WLS: variants seen among roughly 807,000 people sequenced by gnomAD.
WLS encodes protein wntless homolog.
Under a neutral mutation model 62.8 loss-of-function variants are expected in WLS, and 23 were observed. The observed-to-expected ratio is 0.37, with a 90% CI of 0.26 to 0.52. The LOEUF (loss-of-function observed/expected upper bound fraction) is 0.52. Ranked by LOEUF, WLS falls within the 20% of genes least tolerant of loss-of-function variation. WLS has a pLI of 0.92. For missense variants in WLS, 615 were observed against 697.3 expected (o/e 0.88, Z 1.33); for synonymous variants, 246 against 244.1 (o/e 1.01, Z -0.07).
chr1:68,099,064 A>G lies in WLS; in HGVS notation c.1511-311T>C, dbSNP rs1042553597. On this transcript the variant is annotated intron_variant, in intron 11 of 11. Transcript: ENST00000354777. ...CTTGTTGAGAACGTGTATCTAGTTC[A>G]TCTTAAGATAGAACTGCCCCCCTCA... Among the ~76,000 whole-genome samples the G allele has an allele frequency of 2.6e-5, 4 of 152,260 alleles. No individual in the cohort carries two copies. The East Asian group carries it at 5.8e-4, about 22-fold the overall frequency.
chr1:68,207,791 A>T (rs1292950372), intron 1 of WLS, among the ~76,000 whole-genome samples: 1 of 152,184 alleles, frequency 6.6e-6, no homozygotes, highest in East Asian at 1.9e-4. Context: ...TCGCCTCCTA[A>T]ATTTATTTTG....
At chr1:68,220,859 A>C (rs1281194738) in intron 1 of WLS, among the ~76,000 whole-genome samples, 1 of 152,196 alleles carries the variant, frequency 6.6e-6, no homozygotes, top group Non-Finnish European at 1.5e-5. Context: ...GCTTTATGTA[A>C]CTAGCCGAAG....
chr1:68,167,783 G>C (rs1435081766), intron 2 of WLS, among the ~76,000 whole-genome samples: 1 of 151,996 alleles, frequency 6.6e-6, no homozygotes, highest in East Asian at 1.9e-4. Flanking sequence ...TAGTTGGGTG[G>C]AGAATTCATT....
chr1:68,160,550 C>T (rs1646958773), intron 2 of WLS, among the ~76,000 whole-genome samples: 2 of 152,182 alleles, frequency 1.3e-5, no homozygotes, highest in Admixed American at 1.3e-4. Context: ...AGAACTTTTA[C>T]ATTAGTGAGA....
In WLS at chr1:68,107,025, C is replaced by T. The variant is rs569225369; in HGVS notation, c.1511-8272G>A. 1.5e-3 allele frequency among the ~76,000 whole-genome samples: 232 copies of T among 152,222 alleles called. 2 individuals are homozygous for T. Among genetic ancestry groups the T allele is most frequent in the African/African-American group, 5.5e-3 (227 of 41,548 alleles). On this transcript the variant is annotated intron_variant, in intron 11 of 11. Transcript: ENST00000354777. Reference sequence around the variant, plus strand: ...TAAAAGCTCTTAAAGTTAGAAAATACAGATTAGCATAAAGAAAATGATCAA... The same window carrying T: ...TAAAAGCTCTTAAAGTTAGAAAATATAGATTAGCATAAAGAAAATGATCAA...
At chr1:68,183,947 G>A (rs758702768) in intron 2 of WLS, among the ~76,000 whole-genome samples, 8 of 152,156 alleles carry the variant, frequency 5.3e-5, no homozygotes, top group Non-Finnish European at 8.8e-5. Flanking sequence ...AATGAAACAA[G>A]TAAGACAACA....
intron 8 of WLS, among the ~76,000 whole-genome samples, chr1:68,147,498 C>T (rs1329644999): frequency 6.6e-6 from 1 of 152,218 alleles, no homozygotes; most frequent in African/African-American, 2.4e-5. Context: ...CACTCCAGAG[C>T]AGAGTCTTTT....
chr1:68,200,067 G>A (rs1394756976), intron 1 of WLS, among the ~76,000 whole-genome samples: 2 of 152,144 alleles, frequency 1.3e-5, no homozygotes, highest in Non-Finnish European at 2.9e-5. Flanking sequence ...GGTAATTCCT[G>A]TTTATAAGAA....
At chr1:68,167,449 C>T (rs1292839458) in intron 2 of WLS, among the ~76,000 whole-genome samples, 2 of 152,178 alleles carry the variant, frequency 1.3e-5, no homozygotes, top group Non-Finnish European at 2.9e-5. Flanking sequence ...GGTTTCATGA[C>T]TCCTGGGATA....
intron 2 of WLS, among the ~76,000 whole-genome samples, chr1:68,161,324 G>C (rs892778776): frequency 6.6e-6 from 1 of 152,142 alleles, no homozygotes; most frequent in African/African-American, 2.4e-5. Flanking sequence ...AGCAAAAGGA[G>C]GTCACCAGCC....
intron 2 of WLS, among the ~76,000 whole-genome samples, chr1:68,170,160 C>CTTTTTTTCTTTT (rs1553131191): frequency 2.9e-4 from 25 of 86,782 alleles, no homozygotes; most frequent in East Asian, 7.1e-4. Flanking sequence ...GCTACTATTT[C>CTTTTTTTCTTTT]TTTTTTTTTT....
chr1:68,128,673 C>T (rs905461060), intron 11 of WLS, among the ~76,000 whole-genome samples: 3 of 152,194 alleles, frequency 2.0e-5, no homozygotes, highest in African/African-American at 4.8e-5. Flanking sequence ...AAAAAACAGC[C>T]AAAATTGCCT....
chr1:68,172,192 A>G (rs1201464629), intron 2 of WLS, among the ~76,000 whole-genome samples: 1 of 152,086 alleles, frequency 6.6e-6, no homozygotes, highest in Non-Finnish European at 1.5e-5. Flanking sequence ...GGATAGTATT[A>G]GGAGAAATAC....
chr1:68,136,517 A>AC (rs1229057356), intron 11 of WLS, among the ~76,000 whole-genome samples: 4 of 151,928 alleles, frequency 2.6e-5, no homozygotes, highest in African/African-American at 4.8e-5. Flanking sequence ...TGCTGTTACC[A>AC]CCCCCCGCTT....
At chr1:68,140,712 G>A (rs967864206) in intron 10 of WLS, among the ~76,000 whole-genome samples, 4 of 152,168 alleles carry the variant, frequency 2.6e-5, no homozygotes, top group Non-Finnish European at 4.4e-5. Context: ...CCTGCTGTGG[G>A]CAAAGAGTTG....
intron 11 of WLS, among the ~76,000 whole-genome samples, 156 bp from the exon 12 acceptor site, chr1:68,126,491 C>T (rs1396223183): frequency 6.6e-6 from 1 of 152,148 alleles, no homozygotes; most frequent in East Asian, 1.9e-4. Context: ...AGGACTAACT[C>T]CAAACCTGTT....
intron 11 of WLS, among the ~76,000 whole-genome samples, chr1:68,110,726 T>C (rs150744281): frequency 8.9e-6 from 1 of 112,764 alleles, no homozygotes; most frequent in African/African-American, 3.2e-5. Flanking sequence ...TATGTATATA[T>C]ATGTTTGTAT....
At chr1:68,182,237 C>A (rs1647623781) in intron 2 of WLS, among the ~76,000 whole-genome samples, 1 of 152,178 alleles carries the variant, frequency 6.6e-6, no homozygotes, top group Admixed American at 6.5e-5. Flanking sequence ...AAATACTTAA[C>A]AAAACCCACC....
At chr1:68,165,632 C>T (rs1225611952) in intron 2 of WLS, among the ~76,000 whole-genome samples, 1 of 152,114 alleles carries the variant, frequency 6.6e-6, no homozygotes, top group Non-Finnish European at 1.5e-5. Flanking sequence ...TTAGGGTGTC[C>T]ATGTAGAAGC....
Sources: allele counts gnomAD v4.1 joint callset (sites outside exome capture counted in the v4.1 genomes callset), GRCh38; gene constraint gnomAD v4.1.1; transcripts MANE v1.5; gene names NCBI Gene and HGNC (gene_info 2026-07-23, HGNC 2026-07-21).